PARD3B: variants seen among roughly 807,000 people sequenced by gnomAD.
PARD3B encodes the protein par-3 family cell polarity regulator beta, also known as partitioning defective 3 homolog B.
Under a neutral mutation model 130.2 loss-of-function variants are expected in PARD3B, and 103 were observed. That is an observed-to-expected ratio of 0.79 (90% CI 0.67 to 0.93). The LOEUF is 0.93. Ranked by LOEUF, PARD3B falls within the 40% of genes least tolerant of loss-of-function variation. PARD3B has a pLI of 0.00. For synonymous variants in PARD3B, 583 were observed against 553.2 expected (o/e 1.05, Z -0.76); for missense variants, 1,609 against 1,499.2 (o/e 1.07, Z -1.21).
intron 1 of PARD3B, among the ~76,000 whole-genome samples, chr2:204,574,312 T>C (rs1051325502): frequency 6.6e-6 from 1 of 152,244 alleles, no homozygotes; most frequent in African/African-American, 2.4e-5. Flanking sequence ...CTTTTTTAAA[T>C]GAATCCCAAC....
At chr2:204,573,032 A>T (rs1463712067) in intron 1 of PARD3B, among the ~76,000 whole-genome samples, 2 of 152,208 alleles carry the variant, frequency 1.3e-5, no homozygotes, top group African/African-American at 4.8e-5. Context: ...TGTTAGCTAA[A>T]GCCACAGAGA....
At chr2:204,573,832 A>T (rs2032123502) in intron 1 of PARD3B, among the ~76,000 whole-genome samples, 1 of 152,172 alleles carries the variant, frequency 6.6e-6, no homozygotes, top group Admixed American at 6.5e-5. Flanking sequence ...GCTCTTGGGC[A>T]TCACCTCTGT....
chr2:204,816,854 C>T (rs1481727623), intron 2 of PARD3B, among the ~76,000 whole-genome samples: 1 of 151,950 alleles, frequency 6.6e-6, no homozygotes, highest in Non-Finnish European at 1.5e-5. Flanking sequence ...TTTTAGAGAA[C>T]AATTACATGT....
chr2:205,235,250 A>G lies in PARD3B; in HGVS notation c.2141-10528A>G, dbSNP rs191591569. ...AGCCTGGGCAACATGACTAGACCCC[A>G]TCTATACTGAAAATACAAAAAGTTA... is the stretch of plus-strand genomic sequence containing the variant. On this transcript the variant is annotated intron_variant, in intron 15 of 22. Coordinates refer to ENST00000406610, the MANE Select transcript of PARD3B (RefSeq NM_001302769.2). 2.4e-4 allele frequency among the ~76,000 whole-genome samples: 36 copies of G among 152,156 alleles called. 1 individual carries two copies. The East Asian group carries it at 7.0e-3, about 29-fold the overall frequency.
chr2:204,939,117 C>T (rs1688692795), intron 2 of PARD3B, among the ~76,000 whole-genome samples: 1 of 151,402 alleles, frequency 6.6e-6, no homozygotes, highest in South Asian at 2.1e-4. Context: ...TGTGAAATCA[C>T]AAGTGCATTT....
Position 205,121,530 on chromosome 2 carries a change from A to G in PARD3B, c.807-61A>G. ...CTCTTGGTTGCCATCCTCCTGGGGT[A>G]CTTTAGAAGATGCTGCACCTCAAAG... On this transcript the variant is annotated intron_variant, in intron 7 of 22. Coordinates refer to ENST00000406610, the MANE Select transcript of PARD3B (RefSeq NM_001302769.2). This position sits in a 1 kb window ranked among gnomAD's most constrained non-coding sequence, Gnocchi z 5.0. 2 of 1,426,978 alleles carry G rather than the reference A, an allele frequency of 1.4e-6. No individual in the cohort carries two copies. The highest frequency in any genetic ancestry group is 1.3e-5 in the South Asian group (1 of 79,196). The allele number at this position is 1,426,978 out of a possible 1,614,324, so 88.4% of individuals were successfully genotyped here. A position where few individuals can be genotyped will look rare whatever the true frequency, so the allele number is the denominator to read the frequency against.
chr2:205,108,532 A>G (rs1347755684), intron 5 of PARD3B, among the ~76,000 whole-genome samples: 7 of 151,580 alleles, frequency 4.6e-5, no homozygotes, highest in African/African-American at 9.7e-5. Context: ...CTCTAATATT[A>G]CAACCAATTG....
chr2:204,690,044 T>C (rs1273186898), intron 2 of PARD3B, among the ~76,000 whole-genome samples: 1 of 152,182 alleles, frequency 6.6e-6, no homozygotes, highest in Non-Finnish European at 1.5e-5. Context: ...ACATATTTAA[T>C]ATATTTCAAC....
chr2:204,744,370 A>C (rs910725397), intron 2 of PARD3B, among the ~76,000 whole-genome samples: 1 of 152,126 alleles, frequency 6.6e-6, no homozygotes, highest in East Asian at 1.9e-4. Flanking sequence ...ACAAAACCCA[A>C]AATTTGGGGT....
intron 2 of PARD3B, among the ~76,000 whole-genome samples, chr2:204,765,407 C>T (rs978059438): frequency 6.6e-5 from 10 of 152,114 alleles, no homozygotes; most frequent in Non-Finnish European, 1.3e-4. Context: ...CAGTGGAAGA[C>T]GTGGTGTTCC....
intron 1 of PARD3B, among the ~76,000 whole-genome samples, chr2:204,611,703 T>C (rs1405469750): frequency 6.6e-6 from 1 of 152,200 alleles, no homozygotes; most frequent in Non-Finnish European, 1.5e-5. Flanking sequence ...GTTCTTACTA[T>C]ATACATGTAT....
intron 4 of PARD3B, among the ~76,000 whole-genome samples, chr2:205,098,565 G>A (rs1702546995): frequency 6.6e-6 from 1 of 152,172 alleles, no homozygotes; most frequent in South Asian, 2.1e-4. Flanking sequence ...CCAAAAAAAA[G>A]TATCAATAGT....
intron 10 of PARD3B, among the ~76,000 whole-genome samples, chr2:205,133,879 C>A (rs1345223682): frequency 1.3e-5 from 2 of 152,160 alleles, no homozygotes; most frequent in African/African-American, 4.8e-5. Flanking sequence ...TATGTGCCAC[C>A]TTGTAACTTG....
chr2:205,051,499 A>G (rs1367014532), intron 4 of PARD3B, among the ~76,000 whole-genome samples: 1 of 152,180 alleles, frequency 6.6e-6, no homozygotes, highest in Non-Finnish European at 1.5e-5. Context: ...ACAGCATAAG[A>G]AGCTGTAAGG....
chr2:205,109,375 A>G (rs1703459996), intron 5 of PARD3B, among the ~76,000 whole-genome samples: 1 of 152,198 alleles, frequency 6.6e-6, no homozygotes, highest in Non-Finnish European at 1.5e-5. Flanking sequence ...TTCTCTCTGC[A>G]TGTCAGCAGT....
intron 19 of PARD3B, among the ~76,000 whole-genome samples, chr2:205,426,594 T>C (rs988592083): frequency 6.6e-6 from 1 of 152,150 alleles, no homozygotes; most frequent in South Asian, 2.1e-4. Flanking sequence ...TCCTCTTTAC[T>C]CTCTGTTCAT....
rs923617120 is a variant in PARD3B at position 204,956,847 on chromosome 2, T to A, written c.223-8305T>A. Among the ~76,000 whole-genome samples the A allele has an allele frequency of 6.6e-5, 10 of 152,298 alleles. No homozygotes were observed. In the East Asian group the frequency reaches 1.9e-3, roughly 29 times the overall value. On this transcript the variant is annotated intron_variant, in intron 2 of 22. Transcript: ENST00000406610. ...AGTTTTTAAACTTTCTGAAAATTTG[T>A]GTTATTCTGTGATGCTTGAAACTTC...
In PARD3B at chr2:204,805,199, T is replaced by A. The variant is rs565128631; in HGVS notation, c.222+118917T>A. Among the ~76,000 whole-genome samples, 3 of 152,042 alleles carry A rather than the reference T, an allele frequency of 2.0e-5. No homozygotes were observed. The South Asian group carries it at 6.2e-4, about 32-fold the overall frequency. ...AATCTTTTGCCTAAAAGAGAAGACC[T>A]AAACAAATAAAGTCAGAGATGAAAA... On this transcript the variant is annotated intron_variant, in intron 2 of 22. Transcript: ENST00000406610.
chr2:204,717,464 C>A (rs1384195567), intron 2 of PARD3B, among the ~76,000 whole-genome samples: 3 of 152,108 alleles, frequency 2.0e-5, no homozygotes, highest in Non-Finnish European at 2.9e-5. Context: ...CCCATGTTAT[C>A]CCTGTCACGT....
Sources: gnomAD v4.1 joint callset for allele counts (sites outside exome capture counted in the v4.1 genomes callset) on GRCh38, gnomAD v4.1.1 for gene constraint, Gnocchi (gnomAD v3.1) non-coding constraint, MANE v1.5 for transcripts, NCBI Gene and HGNC (gene_info 2026-07-23, HGNC 2026-07-21) for gene names.